The following HS3ST4 variants were observed in gnomAD, a reference collection of about 807,000 sequenced individuals.
The protein encoded by HS3ST4 is heparan sulfate glucosamine 3-O-sulfotransferase 4.
A neutral mutation model predicts 29.2 loss-of-function variants in HS3ST4; 17 were observed. The ratio of observed to expected loss-of-function variants is 0.58; its 90% CI spans 0.40 to 0.87. The LOEUF is 0.87. HS3ST4 is among the 40% of genes least tolerant of loss of function. The probability of loss-of-function intolerance (pLI) is 0.00; values close to 1 mark genes in which losing one functional copy is unlikely to be tolerated. For missense variants in HS3ST4, 627 were observed against 634.5 expected (o/e 0.99, Z 0.13); for synonymous variants, 314 against 285.7 (o/e 1.10, Z -1.00).
At chr16:25,792,653 G>C (rs1393933612) in intron 1 of HS3ST4, among the ~76,000 whole-genome samples, 4 of 151,792 alleles carry the variant, frequency 2.6e-5, no homozygotes. Flanking sequence ...TCGCTCCTCT[G>C]ATTCTTGATA....
Position 25,788,544 on chromosome 16 carries a change from C to CTTT in HS3ST4, c.734+95407_734+95409dup, listed in dbSNP as rs565611368. ...TACATTTTTTTTTCTTTTCTTCTTT[C>CTTT]TTTTTTTTTTTTTTTTGACAGGGTC... On this transcript the variant is annotated intron_variant, in intron 1 of 1. Transcript: ENST00000331351. Among the ~76,000 whole-genome samples, 147 of 123,552 alleles carry CTTT rather than the reference C, an allele frequency of 1.2e-3. 5 individuals carry two copies. Among genetic ancestry groups the CTTT allele is most frequent in the African/African-American group, 2.2e-3 (70 of 32,466 alleles). 81.1% of individuals were successfully genotyped at this position (123,552 alleles called of 152,430 possible). A position where few individuals can be genotyped will look rare whatever the true frequency, so the allele number is the denominator to read the frequency against.
At chr16:25,801,793 G>T (rs868332317) in intron 1 of HS3ST4, among the ~76,000 whole-genome samples, 1 of 151,666 alleles carries the variant, frequency 6.6e-6, no homozygotes. Flanking sequence ...TTACAATATA[G>T]GTTACAAATA....
intron 1 of HS3ST4, among the ~76,000 whole-genome samples, chr16:26,085,075 G>A (rs930928159): frequency 2.6e-5 from 4 of 152,196 alleles, no homozygotes; most frequent in Non-Finnish European, 5.9e-5. Context: ...CTCTTTGATG[G>A]AAAGTCATGT....
At chr16:25,701,527 G>A (rs774177974) in intron 1 of HS3ST4, among the ~76,000 whole-genome samples, 4 of 152,142 alleles carry the variant, frequency 2.6e-5, no homozygotes, top group Non-Finnish European at 4.4e-5. Context: ...CCAGATGTAC[G>A]TTAAGTATAT....
chr16:26,022,129 G>GT (rs913922242), intron 1 of HS3ST4, among the ~76,000 whole-genome samples: 2 of 151,984 alleles, frequency 1.3e-5, no homozygotes, highest in African/African-American at 4.8e-5. Flanking sequence ...TGCCTGGCTA[G>GT]TTTTTTAAAA....
intron 1 of HS3ST4, among the ~76,000 whole-genome samples, chr16:26,006,424 G>C (rs369202538): frequency 6.6e-6 from 1 of 151,852 alleles, no homozygotes; most frequent in Non-Finnish European, 1.5e-5. Context: ...CTGCCCAAAG[G>C]GTTCATTTTT....
intron 1 of HS3ST4, among the ~76,000 whole-genome samples, chr16:25,722,899 T>A (rs1163450986): frequency 6.6e-6 from 1 of 152,166 alleles, no homozygotes; most frequent in Non-Finnish European, 1.5e-5. Context: ...CAATAATGGG[T>A]TATTTATAAA....
intron 1 of HS3ST4, among the ~76,000 whole-genome samples, chr16:26,091,837 T>C (rs1898860725): frequency 6.6e-6 from 1 of 152,172 alleles, no homozygotes; most frequent in Admixed American, 6.5e-5. Flanking sequence ...AATCCAACAT[T>C]TCAAGAATTC....
Position 26,136,202 on chromosome 16 carries a change from T to A in HS3ST4, c.1325T>A (p.Met442Lys), listed in dbSNP as rs760005033. 6.2e-7 allele frequency: 1 copy of A among 1,613,386 alleles called. No homozygotes were observed. The highest frequency in any genetic ancestry group is 8.5e-7 in the Non-Finnish European group (1 of 1,179,710). Residue 442 changes from methionine (M) to lysine (K), a missense_variant, in exon 2 of 2, where the codon ATG (methionine) becomes AAG (lysine). Coordinates refer to ENST00000331351, the MANE Select transcript of HS3ST4 (RefSeq NM_006040.3). Reference protein sequence around the residue: ...YKPFNLMFYQMTGQDFQWEQE... With the variant: ...YKPFNLMFYQKTGQDFQWEQE... ...CCCTTCAACTTGATGTTTTACCAAA[T>A]GACTGGTCAAGATTTTCAGTGGGAA...
Position 26,136,593 on chromosome 16 carries a change from CA to C in HS3ST4, c.*351del, listed in dbSNP as rs1567320937. 5 of 271,820 alleles carry C rather than the reference CA, an allele frequency of 1.8e-5. No homozygotes were observed. Among genetic ancestry groups the C allele is most frequent in the Admixed American group, 1.0e-4 (2 of 19,952 alleles). 16.8% of individuals were successfully genotyped at this position (271,820 alleles called of 1,614,324 possible). On this transcript the variant is annotated 3_prime_UTR_variant, in exon 2 of 2. Transcript: ENST00000331351. ...GTGCTATTAATGTATATGTGAGCGA[CA>C]AAAAAGGTCTGCTTTATAGGGGTTC...
chr16:26,068,374 A>G (rs1245996168), intron 1 of HS3ST4, among the ~76,000 whole-genome samples: 5 of 152,186 alleles, frequency 3.3e-5, no homozygotes, highest in African/African-American at 7.2e-5. Context: ...AATGTCAGCT[A>G]TATTAAAAAG....
chr16:25,762,705 A>AAAACAAAC (rs113353975), intron 1 of HS3ST4, among the ~76,000 whole-genome samples: 6 of 151,312 alleles, frequency 4.0e-5, no homozygotes, highest in African/African-American at 1.2e-4. Context: ...TGTCCCTACT[A>AAAACAAAC]AAACAAACAA....
At chr16:25,975,033 C>T (rs1968930177) in intron 1 of HS3ST4, among the ~76,000 whole-genome samples, 1 of 152,138 alleles carries the variant, frequency 6.6e-6, no homozygotes, top group South Asian at 2.1e-4. Context: ...TCCACTTCTG[C>T]TCTTACCATT....
chr16:25,698,118 C>G (rs983250258), intron 1 of HS3ST4, among the ~76,000 whole-genome samples: 1 of 151,912 alleles, frequency 6.6e-6, no homozygotes, highest in African/African-American at 2.4e-5. Flanking sequence ...TTTTTAAAGA[C>G]AGGGGTCTCA....
Position 25,734,626 on chromosome 16 carries a change from T to C in HS3ST4, c.734+41475T>C, listed in dbSNP as rs965393313. ...ATGGAATTTACAGTGTAGTGGAACA[T>C]TCTGGCCACAATCATGCAAACAGTC... On this transcript the variant is annotated intron_variant, in intron 1 of 1. Coordinates refer to ENST00000331351, the MANE Select transcript of HS3ST4 (RefSeq NM_006040.3). 4.6e-5 allele frequency among the ~76,000 whole-genome samples: 7 copies of C among 152,196 alleles called. No individual in the cohort carries two copies. In the East Asian group the frequency reaches 1.3e-3, roughly 29 times the overall value.
intron 1 of HS3ST4, among the ~76,000 whole-genome samples, chr16:25,950,153 G>GA (rs1240364168): frequency 3.3e-5 from 5 of 151,938 alleles, no homozygotes; most frequent in South Asian, 2.1e-4. Context: ...TGGGCTGGAG[G>GA]AAAAAAAATG....
intron 1 of HS3ST4, among the ~76,000 whole-genome samples, chr16:26,046,491 A>C (rs1898269261): frequency 6.6e-6 from 1 of 151,926 alleles, no homozygotes; most frequent in Non-Finnish European, 1.5e-5. Flanking sequence ...TGTCCATGTT[A>C]GTGTCTGTAG....
chr16:25,995,543 G>T (rs968715282), intron 1 of HS3ST4, among the ~76,000 whole-genome samples: 2 of 152,186 alleles, frequency 1.3e-5, no homozygotes, highest in East Asian at 3.9e-4. Context: ...GGAGCAACCA[G>T]AGTTTCATGC....
intron 1 of HS3ST4, among the ~76,000 whole-genome samples, chr16:25,841,530 C>T (rs929260746): frequency 1.3e-5 from 2 of 152,172 alleles, no homozygotes; most frequent in Non-Finnish European, 2.9e-5. Flanking sequence ...AAATATCTGC[C>T]TACCTTGGCC....
Sources: allele counts gnomAD v4.1 joint callset (sites outside exome capture counted in the v4.1 genomes callset), GRCh38; gene constraint gnomAD v4.1.1; transcripts MANE v1.5; gene names NCBI Gene and HGNC (gene_info 2026-07-23, HGNC 2026-07-21).